The following SNX29 variants were observed in gnomAD, a reference collection of about 807,000 sequenced individuals.
SNX29 encodes the protein sorting nexin-29.
SNX29 carries 78 observed loss-of-function variants against 102.1 expected under a neutral mutation model. That is an observed-to-expected ratio of 0.76 (90% CI 0.64 to 0.92). The LOEUF (loss-of-function observed/expected upper bound fraction) is 0.92, where lower values mean the gene tolerates loss of function less well. Ranked by LOEUF, SNX29 falls within the 40% of genes least tolerant of loss-of-function variation. SNX29 has a pLI of 0.00. For missense variants in SNX29, 1,280 were observed against 1,061.7 expected (o/e 1.21, Z -2.86); for synonymous variants, 580 against 414.5 (o/e 1.40, Z -4.85).
chr16:12,455,427 T>C (rs1053941457), intron 18 of SNX29, among the ~76,000 whole-genome samples: 1 of 152,148 alleles, frequency 6.6e-6, no homozygotes, highest in African/African-American at 2.4e-5. Context: ...GCCGTGGCTG[T>C]AACTGACCTC....
At chr16:12,180,294 G>A (rs1234184273) in intron 13 of SNX29, among the ~76,000 whole-genome samples, 1 of 152,072 alleles carries the variant, frequency 6.6e-6, no homozygotes, top group Non-Finnish European at 1.5e-5. Flanking sequence ...TTACCTCGCT[G>A]CATTTTTCTG....
chr16:12,572,954 A>C lies in SNX29; in HGVS notation c.*4325A>C. 1 of 666,140 alleles carries C rather than the reference A, an allele frequency of 1.5e-6. No individual in the cohort carries two copies. Among genetic ancestry groups the C allele is most frequent in the South Asian group, 7.1e-5 (1 of 14,064 alleles). The allele number at this position is 666,140 out of a possible 1,614,324, so 41.3% of individuals were successfully genotyped here. A position where few individuals can be genotyped will look rare whatever the true frequency, so the allele number is the denominator to read the frequency against. ...CAAGGCAGGCATCTGCTTATGAGCA[A>C]GGTCAAAGATTTTTCAAAATATTGT... On this transcript the variant is annotated 3_prime_UTR_variant, in exon 21 of 21. Coordinates refer to ENST00000566228, the MANE Select transcript of SNX29 (RefSeq NM_032167.5).
chr16:12,211,983 G>A (rs2077196957), intron 14 of SNX29, among the ~76,000 whole-genome samples: 1 of 152,168 alleles, frequency 6.6e-6, no homozygotes, highest in Admixed American at 6.5e-5. Context: ...CACCTAGAAA[G>A]TAGTAGAGCC....
At chr16:12,172,032 T>G (rs951995125) in intron 13 of SNX29, among the ~76,000 whole-genome samples, 1 of 152,202 alleles carries the variant, frequency 6.6e-6, no homozygotes, top group Non-Finnish European at 1.5e-5. Flanking sequence ...GTGTTCTACG[T>G]TACCACTTAT....
At chr16:12,058,078 C>T (rs920020149) in intron 8 of SNX29, among the ~76,000 whole-genome samples, 2 of 151,980 alleles carry the variant, frequency 1.3e-5, no homozygotes, top group Non-Finnish European at 2.9e-5. Flanking sequence ...CCTTGGCCTC[C>T]CAAAGTGCTG....
At chr16:11,991,051 A>C (rs532450059) in intron 1 of SNX29, among the ~76,000 whole-genome samples, 1 of 152,196 alleles carries the variant, frequency 6.6e-6, no homozygotes, top group Admixed American at 6.5e-5. Context: ...TTCCAGAGAA[A>C]GTTTGCTGAC....
intron 4 of SNX29, among the ~76,000 whole-genome samples, chr16:12,031,215 G>T (rs1450250200): frequency 2.6e-5 from 4 of 151,988 alleles, no homozygotes; most frequent in African/African-American, 9.7e-5. Flanking sequence ...TGGCACTACA[G>T]GTGTGTACCA....
At chr16:12,388,384 A>G (rs1348527149) in intron 16 of SNX29, among the ~76,000 whole-genome samples, 3 of 152,148 alleles carry the variant, frequency 2.0e-5, no homozygotes, top group East Asian at 1.9e-4. Context: ...TTCCTTCTCT[A>G]CCTGGAGCCA....
intron 18 of SNX29, among the ~76,000 whole-genome samples, chr16:12,440,947 G>A (rs1739458906): frequency 1.3e-5 from 2 of 152,104 alleles, no homozygotes; most frequent in South Asian, 4.1e-4. Context: ...ATTTTTCTCT[G>A]CAGATTTTTC....
intron 3 of SNX29, among the ~76,000 whole-genome samples, chr16:12,022,288 C>T (rs2057051256): frequency 6.6e-6 from 1 of 151,592 alleles, no homozygotes; most frequent in Non-Finnish European, 1.5e-5. Flanking sequence ...GCGACCTCCG[C>T]CTCCCGGGTT....
chr16:12,223,725 C>G (rs2077537017), intron 14 of SNX29, among the ~76,000 whole-genome samples: 1 of 152,214 alleles, frequency 6.6e-6, no homozygotes, highest in South Asian at 2.1e-4. Context: ...CTGCTTTGCC[C>G]TGTGGGTGGG....
At chr16:12,451,474 C>A (rs1410774445) in intron 18 of SNX29, among the ~76,000 whole-genome samples, 1 of 152,228 alleles carries the variant, frequency 6.6e-6, no homozygotes, top group East Asian at 1.9e-4. Context: ...TGACCTGTGA[C>A]CTGCTCTGTT....
chr16:12,342,695 A>T (rs1044811537), intron 15 of SNX29, among the ~76,000 whole-genome samples: 2 of 152,202 alleles, frequency 1.3e-5, no homozygotes, highest in Non-Finnish European at 2.9e-5. Context: ...CATTTTTCAG[A>T]TGCAGAAACT....
intron 16 of SNX29, among the ~76,000 whole-genome samples, chr16:12,365,579 G>A (rs1567483867): frequency 6.6e-6 from 1 of 151,344 alleles, no homozygotes; most frequent in Non-Finnish European, 1.5e-5. Context: ...AATCACGGCT[G>A]CTTGGGAGGC....
At chr16:12,535,915 A>C (rs954262366) in intron 20 of SNX29, among the ~76,000 whole-genome samples, 4 of 152,218 alleles carry the variant, frequency 2.6e-5, no homozygotes, top group African/African-American at 9.6e-5. Context: ...AATTGAAGAA[A>C]GGGCTAGAAA....
chr16:12,571,948 G>A lies in SNX29; in HGVS notation c.*3319G>A. 9.4e-7 allele frequency: 1 copy of A among 1,062,074 alleles called. No homozygotes were observed. The highest frequency in any genetic ancestry group is 4.6e-5 in the South Asian group (1 of 21,944). The allele number at this position is 1,062,074 out of a possible 1,614,324, so 65.8% of individuals were successfully genotyped here. A position where few individuals can be genotyped will look rare whatever the true frequency, so the allele number is the denominator to read the frequency against. On this transcript the variant is annotated 3_prime_UTR_variant, in exon 21 of 21. Coordinates refer to ENST00000566228, the MANE Select transcript of SNX29 (RefSeq NM_032167.5). ...GGTGAAGGAAGACACTTTCAGGGAA[G>A]AGGCTCTTACAGTCTATGGTGGTAG...
rs1453167710 is a variant in SNX29, at chr16:12,569,038, C to T, written c.*409C>T. ...CAGAGCCAGCCTCTCCACTCTTTCC[C>T]ACGTGGGGACTAGAATGACTATTAG... On this transcript the variant is annotated 3_prime_UTR_variant, in exon 21 of 21. Coordinates refer to ENST00000566228, the MANE Select transcript of SNX29 (RefSeq NM_032167.5). 3.4e-5 allele frequency: 8 copies of T among 233,656 alleles called. No individual in the cohort carries two copies. The South Asian group carries it at 5.0e-4, about 15-fold the overall frequency. 14.5% of individuals were successfully genotyped at this position (233,656 alleles called of 1,614,324 possible).
rs754011979 is a variant in SNX29, at chr16:12,569,690, T to G, written c.*1061T>G. On this transcript the variant is annotated 3_prime_UTR_variant, in exon 21 of 21. Coordinates refer to ENST00000566228, the MANE Select transcript of SNX29 (RefSeq NM_032167.5). ...GGTGGCTCTCAGAGTACAGGGACCT[T>G]GGCAGGTGGAGAGGAGGATGGGGAC... 1.7e-5 allele frequency: 4 copies of G among 229,932 alleles called. No homozygotes were observed. The highest frequency in any genetic ancestry group is 2.6e-5 in the Non-Finnish European group (3 of 116,086). 14.2% of individuals were successfully genotyped at this position (229,932 alleles called of 1,614,324 possible).
In SNX29 at chr16:12,332,534, T is replaced by G. The variant is rs113316350; in HGVS notation, c.1783-23629T>G. Among the ~76,000 whole-genome samples, 767 of 152,274 alleles carry G rather than the reference T, an allele frequency of 5.0e-3. 5 individuals carry two copies. The highest frequency in any genetic ancestry group is 9.0e-3 in the Non-Finnish European group (609 of 68,036). ...CTATCCTCCCCCGTCCTCGTCATAT[T>G]GAAGGCCATGATCACAAAGCTTGAG... On this transcript the variant is annotated intron_variant, in intron 15 of 20. Transcript: ENST00000566228.
Sources: allele counts gnomAD v4.1 joint callset (sites outside exome capture counted in the v4.1 genomes callset), GRCh38; gene constraint gnomAD v4.1.1; transcripts MANE v1.5; gene names NCBI Gene and HGNC (gene_info 2026-07-23, HGNC 2026-07-21).